The following PRPSAP1 variants were observed in gnomAD, a reference collection of about 807,000 sequenced individuals.
PRPSAP1 encodes the protein phosphoribosyl pyrophosphate synthetase associated protein 1, also known as phosphoribosyl pyrophosphate synthase-associated protein 1.
PRPSAP1 carries 31 observed loss-of-function variants against 39.4 expected under a neutral mutation model. The observed-to-expected ratio is 0.79, with a 90% CI of 0.59 to 1.06. PRPSAP1 has a LOEUF of 1.06. Among genes scored for constraint, PRPSAP1 ranks in the 50% least tolerant of loss-of-function variants. The pLI is 0.00. For missense variants in PRPSAP1, 430 were observed against 511.6 expected (o/e 0.84, Z 1.54); for synonymous variants, 212 against 192.6 (o/e 1.10, Z -0.83).
At chr17:76,332,188 G>T in intron 4 of PRPSAP1, 75 bp downstream of exon 4, 1 of 1,513,552 alleles carries the variant, frequency 6.6e-7, no homozygotes, top group Non-Finnish European at 9.0e-7. Flanking sequence ...GGATATCTGA[G>T]GTATGAGCTA....
intron 1 of PRPSAP1, among the ~76,000 whole-genome samples, chr17:76,349,626 T>C (rs2071546134): frequency 6.6e-6 from 1 of 151,172 alleles, no homozygotes; most frequent in Admixed American, 6.6e-5. Context: ...CTGGGTGTGG[T>C]GGCGAGCGTC....
chr17:76,347,687 T>C (rs537937039), intron 2 of PRPSAP1, among the ~76,000 whole-genome samples: 4 of 152,014 alleles, frequency 2.6e-5, no homozygotes, highest in African/African-American at 9.7e-5. Context: ...ATCTACTTGT[T>C]TTAAAAAGAC....
At chr17:76,352,205 T>C (rs879823774) in intron 1 of PRPSAP1, among the ~76,000 whole-genome samples, 18 of 151,814 alleles carry the variant, frequency 1.2e-4, no homozygotes, top group Non-Finnish European at 2.2e-4. Flanking sequence ...CTATGAAAAC[T>C]GTTTAAAATG....
chr17:76,353,727 G>A lies in PRPSAP1; in HGVS notation c.-24C>T, dbSNP rs543273617. 7.0e-7 allele frequency: 1 copy of A among 1,438,064 alleles called. No individual in the cohort carries two copies. Among genetic ancestry groups the A allele is most frequent in the Non-Finnish European group, 9.0e-7 (1 of 1,105,252 alleles). 89.1% of individuals were successfully genotyped at this position (1,438,064 alleles called of 1,614,324 possible). ...ATCGTCCGGCCCGCGGCGCGGTTACGACCGGCCCCGCGCGGGGCTGCACTC... is the reference window on the plus strand; with the variant it reads ...ATCGTCCGGCCCGCGGCGCGGTTACAACCGGCCCCGCGCGGGGCTGCACTC... On this transcript the variant is annotated 5_prime_UTR_variant, in exon 1 of 10. Transcript: ENST00000446526.
At chr17:76,341,855 C>T (rs1171585421) in intron 3 of PRPSAP1, among the ~76,000 whole-genome samples, 2 of 152,112 alleles carry the variant, frequency 1.3e-5, no homozygotes, top group African/African-American at 4.8e-5. Flanking sequence ...AGGAGAATGG[C>T]GTGAACTCGG....
At chr17:76,347,517 GCAGA>G (rs1156451983) in intron 2 of PRPSAP1, among the ~76,000 whole-genome samples, 7 of 129,448 alleles carry the variant, frequency 5.4e-5, no homozygotes, top group Non-Finnish European at 9.6e-5. Flanking sequence ...AAAAAAGAAA[GCAGA>G]CAGAGTGAGG....
intron 7 of PRPSAP1, among the ~76,000 whole-genome samples, chr17:76,323,018 C>G (rs1234785974): frequency 6.6e-6 from 1 of 150,962 alleles, no homozygotes; most frequent in Non-Finnish European, 1.5e-5. Context: ...GGACAGCAGA[C>G]AGAGACCCCG....
rs1291318038 is a variant in PRPSAP1 at position 76,309,850 on chromosome 17, C to T, written c.*1692G>A. On this transcript the variant is annotated 3_prime_UTR_variant, in exon 10 of 10. Transcript: ENST00000446526. ...AGGAATAACTGTACTATTTTAACTA[C>T]TGTTCAAGTTCAGATTTTTCACTTC... is the stretch of plus-strand genomic sequence containing the variant. 6.6e-6 allele frequency: 1 copy of T among 152,218 alleles called. No individual in the cohort carries two copies. The highest frequency in any genetic ancestry group is 1.5e-5 in the Non-Finnish European group (1 of 68,042). The allele number at this position is 152,218 out of a possible 1,614,324, so 9.4% of individuals were successfully genotyped here.
intron 3 of PRPSAP1, among the ~76,000 whole-genome samples, chr17:76,342,818 A>G (rs1476844592): frequency 6.6e-6 from 1 of 151,810 alleles, no homozygotes; most frequent in Admixed American, 6.6e-5. Flanking sequence ...TCACGCCTAT[A>G]ATCCCAGCCA....
chr17:76,334,652 T>C (rs878907593), intron 3 of PRPSAP1, among the ~76,000 whole-genome samples: 1 of 151,552 alleles, frequency 6.6e-6, no homozygotes, highest in South Asian at 2.1e-4. Context: ...AAACAAAAAA[T>C]GTCTCCCTGA....
intron 7 of PRPSAP1, among the ~76,000 whole-genome samples, chr17:76,323,926 ACC>A (rs1260742445): frequency 6.6e-6 from 1 of 151,724 alleles, no homozygotes; most frequent in African/African-American, 2.4e-5. Flanking sequence ...CGGGCAGATC[ACC>A]TGAGGTCAGG....
rs575204906 is a variant in PRPSAP1 at position 76,349,811 on chromosome 17, C to T, written c.171-1230G>A. Among the ~76,000 whole-genome samples, 637 of 151,392 alleles carry T rather than the reference C, an allele frequency of 4.2e-3. 6 individuals are homozygous for T. Among genetic ancestry groups the T allele is most frequent in the Middle Eastern group, 0.011 (3 of 284 alleles). ...AATTAACATCTCCAGCCAGGCCAGG[C>T]GCAGTGGTTCATGCTTGTAATCTCA... On this transcript the variant is annotated intron_variant, in intron 1 of 9. Coordinates refer to ENST00000446526, the MANE Select transcript of PRPSAP1 (RefSeq NM_002766.3).
At chr17:76,327,438 A>G (rs1033416999) in intron 7 of PRPSAP1, among the ~76,000 whole-genome samples, 3 of 152,078 alleles carry the variant, frequency 2.0e-5, no homozygotes. Context: ...GCGGATCACA[A>G]TGTCAAGAGA....
At chr17:76,316,650 A>C (rs1420829375) in intron 7 of PRPSAP1, among the ~76,000 whole-genome samples, 1 of 152,232 alleles carries the variant, frequency 6.6e-6, no homozygotes, top group African/African-American at 2.4e-5. Context: ...CTCTCTTTCC[A>C]TTTTATCAAA....
At position 76,347,620 on chromosome 17, in the gene PRPSAP1, A is replaced by C. The variant is rs560371919; in HGVS notation, c.223+909T>G. 1.7e-4 allele frequency among the ~76,000 whole-genome samples: 26 copies of C among 152,034 alleles called. No individual in the cohort carries two copies. The Admixed American group carries it at 1.7e-3, about 10-fold the overall frequency. Reference sequence around the variant, plus strand: ...TTTCTTACTCGCTGAAGAGTCTGGAATTTATTCTAGCAGTGACAGGAAAGC... The same window carrying C: ...TTTCTTACTCGCTGAAGAGTCTGGACTTTATTCTAGCAGTGACAGGAAAGC... On this transcript the variant is annotated intron_variant, in intron 2 of 9. Transcript: ENST00000446526.
At chr17:76,350,367 G>A (rs1361548909) in intron 1 of PRPSAP1, among the ~76,000 whole-genome samples, 1 of 150,918 alleles carries the variant, frequency 6.6e-6, no homozygotes, top group African/African-American at 2.4e-5. Context: ...TGAACCCAGG[G>A]GGCGGAGCTT....
chr17:76,347,484 CAAAAAAAAAAAAAA>C (rs71161289), intron 2 of PRPSAP1, among the ~76,000 whole-genome samples: 15 of 25,222 alleles, frequency 5.9e-4, no homozygotes, highest in Admixed American at 4.6e-3. Context: ...AAGACTCCGT[CAAAAAAAAAAAAAA>C]AAAAAAAAAA....
chr17:76,341,735 C>G (rs753642490), intron 3 of PRPSAP1, among the ~76,000 whole-genome samples: 5 of 152,066 alleles, frequency 3.3e-5, no homozygotes, highest in Non-Finnish European at 5.9e-5. Flanking sequence ...GTTAGGAGAT[C>G]GAGACCATCC....
At chr17:76,352,829 G>A (rs1277106191) in intron 1 of PRPSAP1, among the ~76,000 whole-genome samples, 1 of 152,068 alleles carries the variant, frequency 6.6e-6, no homozygotes, top group Non-Finnish European at 1.5e-5. Flanking sequence ...GGGAAATCAA[G>A]TCTCTTGCCC....
Sources: allele counts gnomAD v4.1 joint callset (sites outside exome capture counted in the v4.1 genomes callset), GRCh38; gene constraint gnomAD v4.1.1; transcripts MANE v1.5; gene names NCBI Gene and HGNC (gene_info 2026-07-23, HGNC 2026-07-21).